The following SOX6 variants were observed in gnomAD, a reference collection of about 807,000 sequenced individuals.
SOX6 encodes transcription factor SOX-6.
SOX6 carries 11 observed loss-of-function variants against 97.8 expected under a neutral mutation model. The ratio of observed to expected loss-of-function variants is 0.11; its 90% CI spans 0.07 to 0.19. The LOEUF (loss-of-function observed/expected upper bound fraction) is 0.19, where lower values mean the gene tolerates loss of function less well. SOX6 is among the 10% of genes least tolerant of loss of function. The probability of loss-of-function intolerance (pLI) is 1.00; values close to 1 mark genes in which losing one functional copy is unlikely to be tolerated. For missense variants in SOX6, 810 were observed against 1,039.5 expected (o/e 0.78, Z 3.04); for synonymous variants, 360 against 371.4 (o/e 0.97, Z 0.35).
intron 2 of SOX6, among the ~76,000 whole-genome samples, chr11:16,331,434 G>C (rs1410474354): frequency 6.6e-6 from 1 of 152,062 alleles, no homozygotes; most frequent in Non-Finnish European, 1.5e-5. Context: ...CATACTCAGG[G>C]CCACCCTGTG....
intron 3 of SOX6, among the ~76,000 whole-genome samples, chr11:16,296,282 T>C (rs920237): frequency 0.95 from 144,668 of 152,148 alleles, 69,196 homozygotes; most frequent in East Asian, 1. Context: ...TTTACTCAGA[T>C]ATTTTAAATG....
In SOX6 at chr11:16,031,765, T is replaced by TG. The variant is rs569416171; in HGVS notation, c.1623+14748dup. Among the ~76,000 whole-genome samples, 27 of 149,912 alleles carry TG rather than the reference T, an allele frequency of 1.8e-4. No individual in the cohort carries two copies. The East Asian group carries it at 4.7e-3, about 26-fold the overall frequency. ...GAACAAGGGGAACAGGAAAGGGCAA[T>TG]GGGGGAGCAGAAATGGAAAGAGAGG... On this transcript the variant is annotated intron_variant, in intron 12 of 15. Coordinates refer to ENST00000683767, the MANE Select transcript of SOX6 (RefSeq NM_001367873.1).
intron 9 of SOX6, among the ~76,000 whole-genome samples, chr11:16,086,007 A>G (rs1229888177): frequency 2.6e-5 from 4 of 152,198 alleles, no homozygotes; most frequent in African/African-American, 4.8e-5. Context: ...TCCTCAAGTT[A>G]GAGACACTTT....
chr11:16,104,959 T>A (rs1006873616), intron 7 of SOX6, among the ~76,000 whole-genome samples: 1 of 151,784 alleles, frequency 6.6e-6, no homozygotes, highest in Non-Finnish European at 1.5e-5. Flanking sequence ...TTCTGCCAAA[T>A]GTTTAAAGAA....
intron 1 of SOX6, among the ~76,000 whole-genome samples, chr11:16,403,809 G>GT (rs927781459): frequency 5.3e-5 from 8 of 151,322 alleles, no homozygotes; most frequent in African/African-American, 1.9e-4. Flanking sequence ...CACACAGCTT[G>GT]TTTTTTCCTT....
At chr11:16,146,106 A>T (rs1400227690) in intron 6 of SOX6, among the ~76,000 whole-genome samples, 2 of 152,198 alleles carry the variant, frequency 1.3e-5, no homozygotes, top group Admixed American at 6.5e-5. Flanking sequence ...AAACTATACT[A>T]CAAGGCTACA....
chr11:16,137,345 G>T (rs1326944886), intron 6 of SOX6, among the ~76,000 whole-genome samples: 2 of 152,126 alleles, frequency 1.3e-5, no homozygotes, highest in African/African-American at 2.4e-5. Context: ...AGAATCGCTT[G>T]AGCCCAGGAG....
chr11:16,558,109 A>G (rs994654747), intron 4 of SOX6, among the ~76,000 whole-genome samples: 2 of 151,928 alleles, frequency 1.3e-5, no homozygotes, highest in African/African-American at 4.8e-5. Flanking sequence ...CATCATGTAA[A>G]TGGTCTCTGA....
chr11:16,502,247 G>A (rs184746631), intron 4 of SOX6, among the ~76,000 whole-genome samples: 144 of 152,228 alleles, frequency 9.5e-4, no homozygotes, highest in Non-Finnish European at 1.5e-3. Flanking sequence ...TCACTCATAG[G>A]TGGGAATTGA....
chr11:16,448,115 ACT>A (rs1365492312), intron 1 of SOX6, among the ~76,000 whole-genome samples: 1 of 152,144 alleles, frequency 6.6e-6, no homozygotes, highest in African/African-American at 2.4e-5. Context: ...ACACTGGATA[ACT>A]CTGTTTATGA....
chr11:16,323,711 T>G (rs1008817154), intron 2 of SOX6, among the ~76,000 whole-genome samples: 1 of 152,162 alleles, frequency 6.6e-6, no homozygotes, highest in African/African-American at 2.4e-5. Context: ...TAGCATTTAA[T>G]AATATACTGG....
chr11:16,137,447 T>TA (rs889471423), intron 6 of SOX6, among the ~76,000 whole-genome samples: 2 of 151,872 alleles, frequency 1.3e-5, no homozygotes, highest in Admixed American at 6.6e-5. Flanking sequence ...TAAAATAAAA[T>TA]AAATAAATAA....
intron 7 of SOX6, among the ~76,000 whole-genome samples, chr11:16,104,086 G>T (rs1050299788): frequency 6.6e-6 from 1 of 152,038 alleles, no homozygotes; most frequent in Non-Finnish European, 1.5e-5. Flanking sequence ...GGAGAACACA[G>T]TTAAGATTAT....
At chr11:16,254,380 T>A (rs1015931802) in intron 3 of SOX6, among the ~76,000 whole-genome samples, 3 of 152,084 alleles carry the variant, frequency 2.0e-5, no homozygotes, top group African/African-American at 7.2e-5. Flanking sequence ...GTATATTACA[T>A]TCATATATAT....
Position 16,132,442 on chromosome 11 carries a change from A to AAAG in SOX6, c.778-20520_778-20519insCTT, listed in dbSNP as rs1454948877. ...GAAAGAAAGAAAGAAAGAAAGAAAGAAAAAAGAAAGAAAGAAAGAAAGAAA... is the reference window on the plus strand; with the variant it reads ...GAAAGAAAGAAAGAAAGAAAGAAAGAAAGAAAAAGAAAGAAAGAAAGAAAGAAA... On this transcript the variant is annotated intron_variant, in intron 6 of 15. Coordinates refer to ENST00000683767, the MANE Select transcript of SOX6 (RefSeq NM_001367873.1). Among the ~76,000 whole-genome samples, 14 of 88,208 alleles carry AAAG rather than the reference A, an allele frequency of 1.6e-4. 1 individual carries two copies. The highest frequency in any genetic ancestry group is 7.1e-4 in the African/African-American group (13 of 18,186). 57.9% of individuals were successfully genotyped at this position (88,208 alleles called of 152,430 possible).
At chr11:16,665,842 G>A (rs532887177) in intron 3 of SOX6, among the ~76,000 whole-genome samples, 1 of 152,342 alleles carries the variant, frequency 6.6e-6, no homozygotes, top group East Asian at 1.9e-4. Flanking sequence ...GCTCATCACA[G>A]AGAGACTGTT....
intron 3 of SOX6, among the ~76,000 whole-genome samples, chr11:16,638,391 C>G (rs893950368): frequency 6.6e-6 from 1 of 152,098 alleles, no homozygotes; most frequent in African/African-American, 2.4e-5. Context: ...TTTATAGCAG[C>G]ATGATTTATA....
At position 16,398,987 on chromosome 11, in the gene SOX6, T is replaced by C. The variant is rs117653733; in HGVS notation, c.-4-57735A>G. Among the ~76,000 whole-genome samples, 397 of 151,488 alleles carry C rather than the reference T, an allele frequency of 2.6e-3. 1 individual carries two copies. Among genetic ancestry groups the C allele is most frequent in the Admixed American group, 4.1e-3 (62 of 15,142 alleles). ...AAGATGATGATTCAAAAGATGATTA[T>C]GAGAGAAGGTTAAAGTGACTAAAAC... On this transcript the variant is annotated intron_variant, in intron 1 of 15. Transcript: ENST00000396356.
intron 12 of SOX6, among the ~76,000 whole-genome samples, chr11:16,015,700 C>T (rs1277350439): frequency 6.6e-6 from 1 of 151,992 alleles, no homozygotes; most frequent in African/African-American, 2.4e-5. Context: ...TTCACCAGTT[C>T]TTCTAGGAGT....
Sources: gnomAD v4.1 joint callset for allele counts (sites outside exome capture counted in the v4.1 genomes callset) on GRCh38, gnomAD v4.1.1 for gene constraint, MANE v1.5 for transcripts, NCBI Gene and HGNC (gene_info 2026-07-23, HGNC 2026-07-21) for gene names.